Variants in CTNNA3 observed in about 807,000 individuals in gnomAD.
The protein encoded by CTNNA3 is catenin alpha-3.
A neutral mutation model predicts 95.7 loss-of-function variants in CTNNA3; 76 were observed. The ratio of observed to expected loss-of-function variants is 0.79; its 90% CI spans 0.66 to 0.96. The LOEUF (loss-of-function observed/expected upper bound fraction) is 0.96. Among genes scored for constraint, CTNNA3 ranks in the 40% least tolerant of loss-of-function variants. CTNNA3 has a pLI of 0.00. For synonymous variants in CTNNA3, 431 were observed against 374.4 expected, an observed-to-expected ratio of 1.15 and a Z score of -1.74; for missense variants, 1,191 against 1,089.8, an observed-to-expected ratio of 1.09 and a Z score of -1.31.
chr10:67,574,844 G>A (rs1416475018), intron 3 of CTNNA3, among the ~76,000 whole-genome samples: 1 of 152,080 alleles, frequency 6.6e-6, no homozygotes, highest in Non-Finnish European at 1.5e-5. Context: ...GCCTCCCAAA[G>A]TGTTGGGATT....
At chr10:67,100,958 A>AAT (rs1489569272) in intron 7 of CTNNA3, among the ~76,000 whole-genome samples, 3 of 151,722 alleles carry the variant, frequency 2.0e-5, no homozygotes, top group African/African-American at 7.3e-5. Flanking sequence ...AGAATGAAAG[A>AAT]ATATATATCT....
intron 1 of CTNNA3, among the ~76,000 whole-genome samples, chr10:67,716,936 C>T (rs1841147518): frequency 1.3e-5 from 2 of 152,154 alleles, no homozygotes; most frequent in African/African-American, 2.4e-5. Flanking sequence ...ACACTCCCAC[C>T]AACAGTGTAA....
chr10:66,177,852 TAAG>T lies in CTNNA3; in HGVS notation c.1885-74606_1885-74604del, dbSNP rs2085800313. Reference sequence around the variant, plus strand: ...GTAAACATTCCAACTATTTGTTAAATAAGAAACATTTTTGATTATTACTTTTTT... The same window carrying T: ...GTAAACATTCCAACTATTTGTTAAATAAACATTTTTGATTATTACTTTTTT... On this transcript the variant is annotated intron_variant, in intron 13 of 17. Transcript: ENST00000433211. 3.9e-5 allele frequency among the ~76,000 whole-genome samples: 6 copies of T among 152,122 alleles called. No homozygotes were observed. The South Asian group carries it at 1.2e-3, about 31-fold the overall frequency.
intron 14 of CTNNA3, among the ~76,000 whole-genome samples, chr10:66,089,686 C>T (rs570357172): frequency 2.0e-5 from 3 of 151,506 alleles, no homozygotes; most frequent in Non-Finnish European, 4.4e-5. Context: ...CCTTTATATG[C>T]ATTATTTCTA....
intron 11 of CTNNA3, among the ~76,000 whole-genome samples, chr10:66,390,949 T>A (rs543918476): frequency 6.6e-6 from 1 of 152,230 alleles, no homozygotes; most frequent in South Asian, 2.1e-4. Flanking sequence ...TGTTAGAAAA[T>A]GTAGACGATA....
chr10:65,975,584 G>C (rs529551590), intron 16 of CTNNA3, among the ~76,000 whole-genome samples: 1 of 151,984 alleles, frequency 6.6e-6, no homozygotes, highest in Admixed American at 6.6e-5. Context: ...TACCTAAAAC[G>C]ATGAAAAACA....
chr10:66,600,408 A>C lies in CTNNA3; in HGVS notation c.1374+21284T>G, dbSNP rs1843878272. Among the ~76,000 whole-genome samples the C allele has an allele frequency of 5.3e-5, 8 of 152,008 alleles. No homozygotes were observed. The South Asian group carries it at 1.7e-3, about 32-fold the overall frequency. On this transcript the variant is annotated intron_variant, in intron 10 of 17. Transcript: ENST00000433211. ...ACCATATATTGCTCTAATACCTTGAAATATACACTTTTATACCCAAACACC... is the reference window on the plus strand; with the variant it reads ...ACCATATATTGCTCTAATACCTTGACATATACACTTTTATACCCAAACACC...
At chr10:66,766,234 T>G (rs1363129008) in intron 9 of CTNNA3, 30 bp downstream of exon 9, 1 of 1,607,198 alleles carries the variant, frequency 6.2e-7, no homozygotes, top group East Asian at 2.2e-5. Flanking sequence ...TCTCCTGGAC[T>G]TTAGTGAGTT....
chr10:66,648,851 T>C (rs980404147), intron 9 of CTNNA3, among the ~76,000 whole-genome samples: 3 of 152,154 alleles, frequency 2.0e-5, no homozygotes, highest in African/African-American at 7.2e-5. Flanking sequence ...AGGTTGGAAA[T>C]TCAGGAGAAA....
At chr10:65,965,082 A>T (rs1413217556) in intron 17 of CTNNA3, among the ~76,000 whole-genome samples, 1 of 152,190 alleles carries the variant, frequency 6.6e-6, no homozygotes, top group Non-Finnish European at 1.5e-5. Context: ...AATATCAAAG[A>T]CACTATTTTT....
At chr10:66,309,911 A>C (rs1472858237) in intron 12 of CTNNA3, among the ~76,000 whole-genome samples, 2 of 23,540 alleles carry the variant, frequency 8.5e-5, no homozygotes, top group Non-Finnish European at 2.0e-4. Context: ...TACAAAAAAT[A>C]AATAAATAAA....
At chr10:66,699,466 T>C (rs1469937796) in intron 9 of CTNNA3, among the ~76,000 whole-genome samples, 1 of 152,134 alleles carries the variant, frequency 6.6e-6, no homozygotes, top group African/African-American at 2.4e-5. Flanking sequence ...TGGTTTGATT[T>C]GCATTTCTCT....
intron 13 of CTNNA3, among the ~76,000 whole-genome samples, chr10:66,279,532 G>A (rs78440424): frequency 0.02 from 3,021 of 152,050 alleles, 106 homozygotes; most frequent in African/African-American, 0.069. Context: ...GGATGAATAG[G>A]TGGCTAAATA....
At chr10:66,193,099 G>C (rs935086886) in intron 13 of CTNNA3, among the ~76,000 whole-genome samples, 2 of 152,110 alleles carry the variant, frequency 1.3e-5, no homozygotes, top group Non-Finnish European at 2.9e-5. Context: ...CCATTTACAA[G>C]GTCTATTGGG....
intron 11 of CTNNA3, among the ~76,000 whole-genome samples, chr10:66,455,891 A>C (rs1225436597): frequency 6.6e-6 from 1 of 152,224 alleles, no homozygotes; most frequent in Non-Finnish European, 1.5e-5. Context: ...TCAACATACA[A>C]CAAAACAATT....
intron 9 of CTNNA3, among the ~76,000 whole-genome samples, chr10:66,754,035 G>T (rs143151741): frequency 0.011 from 1,718 of 152,172 alleles, 39 homozygotes; most frequent in African/African-American, 0.039. Flanking sequence ...TTTATCCTAA[G>T]ATTCATATAG....
chr10:67,687,980 C>T (rs1188128549), intron 1 of CTNNA3, among the ~76,000 whole-genome samples: 3 of 152,170 alleles, frequency 2.0e-5, no homozygotes, highest in Non-Finnish European at 4.4e-5. Context: ...CTTCGACTGT[C>T]ATTCTATCAT....
At chr10:67,523,326 T>G (rs1490499810) in intron 4 of CTNNA3, among the ~76,000 whole-genome samples, 1 of 152,198 alleles carries the variant, frequency 6.6e-6, no homozygotes, top group Non-Finnish European at 1.5e-5. Flanking sequence ...GGAAATGAGA[T>G]GGACACTGAC....
intron 7 of CTNNA3, among the ~76,000 whole-genome samples, chr10:67,025,682 T>C (rs1337658783): frequency 2.0e-5 from 3 of 152,166 alleles, no homozygotes; most frequent in Admixed American, 6.5e-5. Flanking sequence ...TACTATATCA[T>C]TACACAACAA....
Sources: gnomAD v4.1 joint callset for allele counts (sites outside exome capture counted in the v4.1 genomes callset) on GRCh38, gnomAD v4.1.1 for gene constraint, MANE v1.5 for transcripts, NCBI Gene and HGNC (gene_info 2026-07-23, HGNC 2026-07-21) for gene names.